Variants in JAZF1 observed in about 807,000 individuals in gnomAD.
The protein encoded by JAZF1 is JAZF zinc finger 1.
In JAZF1, 8 loss-of-function variants were observed where a neutral mutation model predicts 26.4. The ratio of observed to expected loss-of-function variants is 0.30; its 90% confidence interval spans 0.18 to 0.55. The LOEUF (loss-of-function observed/expected upper bound fraction) is 0.55. Ranked by LOEUF, JAZF1 falls within the 20% of genes least tolerant of loss-of-function variation. JAZF1 has a pLI of 0.94. For synonymous variants in JAZF1, 126 were observed against 122.3 expected, an observed-to-expected ratio of 1.03 and a Z score of -0.20; for missense variants, 199 against 322.0, an observed-to-expected ratio of 0.62 and a Z score of 2.92.
chr7:28,043,244 T>C (rs1783424122), intron 1 of JAZF1, among the ~76,000 whole-genome samples: 1 of 152,214 alleles, frequency 6.6e-6, no homozygotes, highest in Admixed American at 6.5e-5. Context: ...TGCTTGTTAA[T>C]GGTGGACCAC....
At chr7:28,174,813 GGTGTGTGGGTGTGT>G (rs1783523682) in intron 1 of JAZF1, among the ~76,000 whole-genome samples, 1 of 50,676 alleles carries the variant, frequency 2.0e-5, no homozygotes, top group East Asian at 4.0e-4. Context: ...CTGCCTATGG[GGTGTGTGGGTGTGT>G]GTGTGTGTGT....
At chr7:27,921,823 G>C (rs954066450) in intron 2 of JAZF1, among the ~76,000 whole-genome samples, 3 of 152,116 alleles carry the variant, frequency 2.0e-5, no homozygotes, top group African/African-American at 7.2e-5. Context: ...CTCGAGACCA[G>C]GAGTTCAAGA....
At chr7:28,143,621 T>A (rs1165493591) in intron 1 of JAZF1, among the ~76,000 whole-genome samples, 1 of 152,340 alleles carries the variant, frequency 6.6e-6, no homozygotes, top group South Asian at 2.1e-4. Context: ...TAGCAGTTAC[T>A]ACAGTGTCCC....
intron 1 of JAZF1, among the ~76,000 whole-genome samples, chr7:28,044,617 A>T (rs1422559027): frequency 1.3e-5 from 2 of 152,176 alleles, no homozygotes. Flanking sequence ...TATTCTTCTA[A>T]GGAAAAAAAA....
At position 28,139,299 on chromosome 7, in the gene JAZF1, G is replaced by A. The variant is rs571539195; in HGVS notation, c.115+41164C>T. ...CAGCCAGAGGCCCAGGGAACAGTTA[G>A]TGCCATGAGGTGAACTGTGTCCCCC... On this transcript the variant is annotated intron_variant, in intron 1 of 4. Coordinates refer to ENST00000283928, the MANE Select transcript of JAZF1 (RefSeq NM_175061.4). Among the ~76,000 whole-genome samples the A allele has an allele frequency of 2.2e-4, 33 of 152,332 alleles. No individual in the cohort carries two copies. The South Asian group carries it at 6.8e-3, about 32-fold the overall frequency.
intron 2 of JAZF1, among the ~76,000 whole-genome samples, chr7:27,902,208 T>C (rs1397743559): frequency 6.6e-6 from 1 of 152,254 alleles, no homozygotes; most frequent in Non-Finnish European, 1.5e-5. Flanking sequence ...TATTATGTAA[T>C]ATGAAGTATT....
At chr7:28,080,947 A>C (rs1052850972) in intron 1 of JAZF1, among the ~76,000 whole-genome samples, 3 of 152,148 alleles carry the variant, frequency 2.0e-5, no homozygotes, top group Non-Finnish European at 2.9e-5. Context: ...AAAACAAAAA[A>C]AAAAATGCAC....
At chr7:28,145,677 G>C (rs1005558017) in intron 1 of JAZF1, among the ~76,000 whole-genome samples, 1 of 151,688 alleles carries the variant, frequency 6.6e-6, no homozygotes, top group East Asian at 1.9e-4. Context: ...TAGTTTGATG[G>C]GTTCTGGCAA....
intron 1 of JAZF1, among the ~76,000 whole-genome samples, chr7:28,137,892 G>C (rs1782909050): frequency 6.6e-6 from 1 of 152,122 alleles, no homozygotes; most frequent in Admixed American, 6.5e-5. Context: ...CAATCCTATG[G>C]GTAGATACAA....
At chr7:28,092,957 A>C (rs1395303857) in intron 1 of JAZF1, among the ~76,000 whole-genome samples, 1 of 152,226 alleles carries the variant, frequency 6.6e-6, no homozygotes, top group African/African-American at 2.4e-5. Flanking sequence ...CATGTAACTT[A>C]AATATCTTTC....
chr7:27,974,336 T>C (rs541662622), intron 2 of JAZF1, among the ~76,000 whole-genome samples: 1 of 152,104 alleles, frequency 6.6e-6, no homozygotes, highest in Non-Finnish European at 1.5e-5. Context: ...GCCACCGCTT[T>C]TATGGCAAAG....
chr7:27,959,512 C>T (rs956823047), intron 2 of JAZF1, among the ~76,000 whole-genome samples: 57 of 152,200 alleles, frequency 3.7e-4, no homozygotes, highest in African/African-American at 1.4e-3. Flanking sequence ...TCTAGACCCA[C>T]CAGTTATATT....
At chr7:28,175,246 T>C (rs900635801) in intron 1 of JAZF1, among the ~76,000 whole-genome samples, 7 of 152,264 alleles carry the variant, frequency 4.6e-5, no homozygotes, top group African/African-American at 1.7e-4. Flanking sequence ...AGCACTAGAC[T>C]GTTGAGGAGT....
At chr7:28,014,963 C>G (rs1454704345) in intron 1 of JAZF1, among the ~76,000 whole-genome samples, 1 of 152,104 alleles carries the variant, frequency 6.6e-6, no homozygotes, top group Non-Finnish European at 1.5e-5. Context: ...CCTGGAGCAG[C>G]AGCCCCCAGG....
intron 3 of JAZF1, among the ~76,000 whole-genome samples, chr7:27,888,755 T>C (rs73083392): frequency 0.21 from 31,452 of 152,240 alleles, 4,148 homozygotes; most frequent in East Asian, 0.49. Context: ...GCTTAAATTT[T>C]ATATTAAGAA....
chr7:28,141,180 G>A (rs920877784), intron 1 of JAZF1, among the ~76,000 whole-genome samples: 7 of 124,002 alleles, frequency 5.6e-5, no homozygotes, highest in African/African-American at 9.7e-5. Context: ...ATAGAAAATC[G>A]AGACAGACAC....
chr7:28,129,387 A>T (rs1342936793), intron 1 of JAZF1, among the ~76,000 whole-genome samples: 3 of 152,136 alleles, frequency 2.0e-5, no homozygotes, highest in Non-Finnish European at 4.4e-5. Context: ...ATCACTTGTG[A>T]TGCCTAATAA....
At chr7:27,836,661 T>C (rs1364637825) in intron 4 of JAZF1, among the ~76,000 whole-genome samples, 2 of 151,934 alleles carry the variant, frequency 1.3e-5, no homozygotes, top group Admixed American at 1.3e-4. Flanking sequence ...GTGGTAATGG[T>C]GGGGGTTAAA....
chr7:28,056,435 TACACACACAC>T (rs3073772), intron 1 of JAZF1, among the ~76,000 whole-genome samples: 3,908 of 98,144 alleles, frequency 0.04, 169 homozygotes, highest in African/African-American at 0.13. Flanking sequence ...TTTCAACAAC[TACACACACAC>T]ACACACACAC....
Sources: allele counts gnomAD v4.1 joint callset (sites outside exome capture counted in the v4.1 genomes callset), GRCh38; gene constraint gnomAD v4.1.1; transcripts MANE v1.5; gene names NCBI Gene and HGNC (gene_info 2026-07-23, HGNC 2026-07-21).